CHRM3: variants seen among roughly 807,000 people sequenced by gnomAD.
CHRM3 encodes muscarinic acetylcholine receptor M3.
CHRM3 carries 11 observed loss-of-function variants against 41.8 expected under a neutral mutation model. That is an observed-to-expected ratio of 0.26 (90% CI 0.17 to 0.44). CHRM3 has a LOEUF of 0.44. Ranked by LOEUF, CHRM3 falls within the 20% of genes least tolerant of loss-of-function variation. The probability of loss-of-function intolerance (pLI) is 1.00; values close to 1 mark genes in which losing one functional copy is unlikely to be tolerated. For missense variants in CHRM3, 571 were observed against 745.4 expected (o/e 0.77, Z 2.72); for synonymous variants, 297 against 301.4 (o/e 0.99, Z 0.15).
intron 5 of CHRM3, among the ~76,000 whole-genome samples, chr1:239,821,885 G>A (rs1489189790): frequency 1.3e-5 from 2 of 152,102 alleles, no homozygotes; most frequent in South Asian, 2.1e-4. Flanking sequence ...TGCCATCCTC[G>A]TGATAGTGAG....
chr1:239,785,533 G>A, intron 5 of CHRM3, among the ~76,000 whole-genome samples: 1 of 152,138 alleles, frequency 6.6e-6, no homozygotes, highest in East Asian at 1.9e-4. Flanking sequence ...CAGTCTCATT[G>A]ACTTCTCTGC....
chr1:239,601,662 G>A (rs12057740), intron 3 of CHRM3, among the ~76,000 whole-genome samples: 16,966 of 152,112 alleles, frequency 0.11, 1,051 homozygotes, highest in African/African-American at 0.15. Flanking sequence ...AACTTTTTGT[G>A]ATGATTAAAT....
intron 4 of CHRM3, among the ~76,000 whole-genome samples, chr1:239,670,549 C>T (rs1190266988): frequency 2.0e-5 from 3 of 152,076 alleles, no homozygotes; most frequent in African/African-American, 4.8e-5. Flanking sequence ...CTCACTCTGT[C>T]GCCCAGGCTG....
intron 1 of CHRM3, among the ~76,000 whole-genome samples, chr1:239,476,511 T>A (rs1381181766): frequency 1.3e-5 from 2 of 151,974 alleles, no homozygotes; most frequent in East Asian, 3.9e-4. Flanking sequence ...TAAAACCTTC[T>A]TAGTAACAAA....
intron 1 of CHRM3, among the ~76,000 whole-genome samples, chr1:239,454,238 AT>A (rs1235017479): frequency 6.6e-6 from 1 of 152,142 alleles, no homozygotes; most frequent in African/African-American, 2.4e-5. Flanking sequence ...ATAACTATAA[AT>A]TGGGGGTTCC....
chr1:239,482,959 C>T (rs1018515361), intron 1 of CHRM3, among the ~76,000 whole-genome samples: 3 of 152,174 alleles, frequency 2.0e-5, no homozygotes, highest in Non-Finnish European at 4.4e-5. Flanking sequence ...TCTCCCTCCT[C>T]CTGCACTAGA....
chr1:239,629,084 G>A (rs1279241377), intron 3 of CHRM3: 2 of 115,180 alleles, frequency 1.7e-5, no homozygotes, highest in African/African-American at 7.0e-5. Flanking sequence ...GGCAATGGCG[G>A]GCGCCCCTCC....
At chr1:239,452,835 C>G (rs1048991832) in intron 1 of CHRM3, among the ~76,000 whole-genome samples, 6 of 152,126 alleles carry the variant, frequency 3.9e-5, no homozygotes, top group Admixed American at 1.3e-4. Context: ...GAGTCTTACT[C>G]TGTCACCCAG....
chr1:239,836,164 T>TC (rs949125033), intron 6 of CHRM3, among the ~76,000 whole-genome samples: 10 of 152,310 alleles, frequency 6.6e-5, no homozygotes, highest in Admixed American at 2.6e-4. Flanking sequence ...CAGCCAGCAG[T>TC]CCACCAGTGA....
chr1:239,451,823 T>G (rs1284803201), intron 1 of CHRM3, among the ~76,000 whole-genome samples: 1 of 152,120 alleles, frequency 6.6e-6, no homozygotes. Context: ...AAAGATGTGA[T>G]CTTGTTTTAA....
intron 3 of CHRM3, among the ~76,000 whole-genome samples, chr1:239,611,416 C>CTTTTTTT (rs75352638): frequency 1.2e-4 from 12 of 96,238 alleles, no homozygotes; most frequent in East Asian, 3.7e-4. Flanking sequence ...TTGCAAGTGA[C>CTTTTTTT]TTTTTTTTTT....
chr1:239,661,769 A>G (rs1365776469), intron 4 of CHRM3, among the ~76,000 whole-genome samples: 1 of 152,164 alleles, frequency 6.6e-6, no homozygotes, highest in Non-Finnish European at 1.5e-5. Flanking sequence ...AATCCACAGA[A>G]TGTACAACAC....
At chr1:239,810,005 G>A (rs890375537) in intron 5 of CHRM3, among the ~76,000 whole-genome samples, 1 of 152,188 alleles carries the variant, frequency 6.6e-6, no homozygotes, top group South Asian at 2.1e-4. Context: ...CTTGAGACGG[G>A]TAAGATTCTG....
At chr1:239,724,724 G>A (rs1362942079) in intron 5 of CHRM3, among the ~76,000 whole-genome samples, 5 of 151,756 alleles carry the variant, frequency 3.3e-5, no homozygotes, top group African/African-American at 4.8e-5. Flanking sequence ...CTTCCTCCCC[G>A]TGATCCATTG....
chr1:239,535,537 C>G (rs11582593), intron 2 of CHRM3, among the ~76,000 whole-genome samples: 1 of 150,294 alleles, frequency 6.7e-6, no homozygotes, highest in African/African-American at 2.5e-5. Context: ...CACCCCATAC[C>G]TACATCGAGT....
intron 1 of CHRM3, among the ~76,000 whole-genome samples, chr1:239,390,723 CT>C (rs1333761628): frequency 6.6e-6 from 1 of 151,994 alleles, no homozygotes; most frequent in African/African-American, 2.4e-5. Context: ...TCATGAAAGG[CT>C]TCCCTTTTCA....
At chr1:239,495,287 C>A (rs1328340783) in intron 2 of CHRM3, among the ~76,000 whole-genome samples, 1 of 152,160 alleles carries the variant, frequency 6.6e-6, no homozygotes, top group African/African-American at 2.4e-5. Flanking sequence ...TCCATGTAGG[C>A]ATTTGGGTCT....
intron 5 of CHRM3, among the ~76,000 whole-genome samples, chr1:239,758,777 A>G (rs1343772869): frequency 6.6e-6 from 1 of 152,156 alleles, no homozygotes; most frequent in African/African-American, 2.4e-5. Flanking sequence ...GACAGAGTCT[A>G]CTGTGTTTTT....
intron 2 of CHRM3, among the ~76,000 whole-genome samples, chr1:239,509,909 G>A (rs554475642): frequency 5.7e-4 from 87 of 152,212 alleles, no homozygotes; most frequent in African/African-American, 1.5e-3. Context: ...CCAACATGGC[G>A]AAACCCCGTC....
Sources: allele counts gnomAD v4.1 joint callset (sites outside exome capture counted in the v4.1 genomes callset), GRCh38; gene constraint gnomAD v4.1.1; transcripts MANE v1.5; gene names NCBI Gene and HGNC (gene_info 2026-07-23, HGNC 2026-07-21).